Variants in KIAA0319 observed in about 807,000 individuals in gnomAD.
KIAA0319 encodes the protein dyslexia-associated protein KIAA0319.
KIAA0319 carries 83 observed loss-of-function variants against 108.4 expected under a neutral mutation model. The ratio of observed to expected loss-of-function variants is 0.77; its 90% CI spans 0.64 to 0.92. The LOEUF is 0.92. Among genes scored for constraint, KIAA0319 ranks in the 40% least tolerant of loss-of-function variants. The probability of loss-of-function intolerance (pLI) is 0.00; values close to 1 mark genes in which losing one functional copy is unlikely to be tolerated. For missense variants in KIAA0319, 1,195 were observed against 1,322.4 expected (o/e 0.90, Z 1.49); for synonymous variants, 484 against 510.4 (o/e 0.95, Z 0.70).
chr6:24,627,733 C>T (rs1003790611), intron 1 of KIAA0319, among the ~76,000 whole-genome samples: 1 of 152,220 alleles, frequency 6.6e-6, no homozygotes, highest in African/African-American at 2.4e-5. Context: ...GAGGCCAGGA[C>T]TTCCAGCAAT....
Position 24,588,744 on chromosome 6 carries a change from C to A in KIAA0319, c.843G>T (p.Glu281Asp). 1 of 1,613,848 alleles carries A rather than the reference C, an allele frequency of 6.2e-7. No homozygotes were observed. The highest frequency in any genetic ancestry group is 1.1e-5 in the South Asian group (1 of 91,056). ...PSHSLPPASLELSSVTVEKSP... is the reference protein window; with the variant it reads ...PSHSLPPASLDLSSVTVEKSP... ...TTTTCTCCACGGTGACTGAGCTGAGCTCCAGGCTTGCCGGAGGAAGACTAT... is the reference window on the plus strand; with the variant it reads ...TTTTCTCCACGGTGACTGAGCTGAGATCCAGGCTTGCCGGAGGAAGACTAT... The change falls in exon 4 of 21, where the codon GAG (glutamate) becomes GAT (aspartate). Residue 281 changes from glutamate (E) to aspartate (D), a missense_variant. Physicochemically the swap from Glu to Asp is conservative, Grantham distance 45. Coordinates refer to ENST00000378214, the MANE Select transcript of KIAA0319 (RefSeq NM_014809.4).
At chr6:24,639,453 G>T (rs1377411253) in intron 1 of KIAA0319, among the ~76,000 whole-genome samples, 2 of 152,126 alleles carry the variant, frequency 1.3e-5, no homozygotes, top group African/African-American at 4.8e-5. Flanking sequence ...TAAAATAAAG[G>T]TTCTTTTAAG....
At chr6:24,583,757 A>G in intron 4 of KIAA0319, 55 bp from the exon 5 acceptor site, 1 of 1,026,816 alleles carries the variant, frequency 9.7e-7, no homozygotes, top group Non-Finnish European at 1.5e-6. Flanking sequence ...GTGTTACATT[A>G]CTGCTCTACA....
chr6:24,586,393 G>A (rs1321276142), intron 4 of KIAA0319, among the ~76,000 whole-genome samples: 2 of 152,178 alleles, frequency 1.3e-5, no homozygotes, highest in Non-Finnish European at 2.9e-5. Flanking sequence ...CCTTTGTAAG[G>A]GGAATTTATA....
At chr6:24,605,248 C>A (rs1771231445) in intron 1 of KIAA0319, among the ~76,000 whole-genome samples, 1 of 152,204 alleles carries the variant, frequency 6.6e-6, no homozygotes, top group Admixed American at 6.5e-5. Flanking sequence ...GTTAGGAGTT[C>A]TCATTCCCAT....
At chr6:24,557,469 C>A (rs559800577) in intron 17 of KIAA0319, among the ~76,000 whole-genome samples, 1 of 152,374 alleles carries the variant, frequency 6.6e-6, no homozygotes, top group African/African-American at 2.4e-5. Context: ...CACCGCTGCA[C>A]TGCAGCCGGG....
chr6:24,588,834 C>T (rs1195405880), intron 3 of KIAA0319, 49 bp from the exon 4 acceptor site: 1 of 1,449,836 alleles, frequency 6.9e-7, no homozygotes. Flanking sequence ...AAAAACAGTC[C>T]AACTCTTCAA....
intron 3 of KIAA0319, among the ~76,000 whole-genome samples, chr6:24,590,431 TTTTCAGGCATCTGGG>T (rs1768295184): frequency 6.6e-6 from 1 of 152,202 alleles, no homozygotes; most frequent in African/African-American, 2.4e-5. Context: ...TTTAATTGAA[TTTTCAGGCATCTGGG>T]TTTGTGAAGT....
intron 1 of KIAA0319, among the ~76,000 whole-genome samples, chr6:24,625,174 T>C (rs1189011367): frequency 6.6e-6 from 1 of 152,188 alleles, no homozygotes; most frequent in African/African-American, 2.4e-5. Context: ...ATAAAACTGG[T>C]GTTAGGAAAA....
intron 16 of KIAA0319, among the ~76,000 whole-genome samples, chr6:24,560,703 C>T (rs1474901025): frequency 1.3e-5 from 2 of 152,208 alleles, no homozygotes; most frequent in South Asian, 2.1e-4. Flanking sequence ...GTCCCTGCCT[C>T]GGTCGTTACA....
intron 1 of KIAA0319, among the ~76,000 whole-genome samples, chr6:24,626,836 T>C (rs1774786549): frequency 6.6e-6 from 1 of 152,184 alleles, no homozygotes; most frequent in South Asian, 2.1e-4. Context: ...CAATTAGTTT[T>C]GGTAAACTGT....
intron 1 of KIAA0319, among the ~76,000 whole-genome samples, chr6:24,613,712 G>C (rs1772730543): frequency 6.6e-6 from 1 of 151,078 alleles, no homozygotes; most frequent in Non-Finnish European, 1.5e-5. Flanking sequence ...GAAAGACCTA[G>C]AAAACAAACC....
chr6:24,606,195 C>A (rs1771377219), intron 1 of KIAA0319, among the ~76,000 whole-genome samples: 1 of 152,144 alleles, frequency 6.6e-6, no homozygotes, highest in Non-Finnish European at 1.5e-5. Flanking sequence ...CCTTGGCCTC[C>A]CAAAGTGTTG....
Position 24,601,166 on chromosome 6 carries a change from G to C in KIAA0319, c.-63C>G. On this transcript the variant is annotated 5_prime_UTR_variant, in exon 2 of 21. Coordinates refer to ENST00000378214, the MANE Select transcript of KIAA0319 (RefSeq NM_014809.4). ...CGGCCCTGAAGAGAGTTTGGTGCAA[G>C]CTTCCTTTGATGTTTTTTAGGAGCC... 11 of 1,592,122 alleles carry C rather than the reference G, an allele frequency of 6.9e-6. No individual in the cohort carries two copies. Among genetic ancestry groups the C allele is most frequent in the Non-Finnish European group, 9.4e-6 (11 of 1,169,454 alleles).
At chr6:24,593,981 A>T (rs1462643715) in intron 3 of KIAA0319, among the ~76,000 whole-genome samples, 1 of 150,998 alleles carries the variant, frequency 6.6e-6, no homozygotes, top group Non-Finnish European at 1.5e-5. Context: ...CAGGTGGATC[A>T]TGAGGTCAGG....
At chr6:24,553,453 CCT>C (rs539523509) in intron 19 of KIAA0319, among the ~76,000 whole-genome samples, 4 of 150,396 alleles carry the variant, frequency 2.7e-5, no homozygotes, top group Non-Finnish European at 3.0e-5. Flanking sequence ...ACAGAATCTC[CCT>C]CTCTCTCTCT....
At position 24,597,256 on chromosome 6, in the gene KIAA0319, G is replaced by A. The variant is rs115504383; in HGVS notation, c.56-638C>T. Among the ~76,000 whole-genome samples the A allele has an allele frequency of 4.5e-3, 678 of 152,192 alleles. 5 individuals are homozygous for A. The highest frequency in any genetic ancestry group is 0.015 in the African/African-American group (627 of 41,542). ...AATAGCATCATGTCTCTGTTTTATCGTTAATTGATTTTAAGTCTCACAGGC... is the reference window on the plus strand; with the variant it reads ...AATAGCATCATGTCTCTGTTTTATCATTAATTGATTTTAAGTCTCACAGGC... On this transcript the variant is annotated intron_variant, in intron 2 of 20. Coordinates refer to ENST00000378214, the MANE Select transcript of KIAA0319 (RefSeq NM_014809.4).
intron 6 of KIAA0319, 105 bp from the exon 7 acceptor site, chr6:24,581,118 T>C (rs1766471982): frequency 2.8e-6 from 2 of 720,422 alleles, no homozygotes; most frequent in Non-Finnish European, 2.4e-6. Flanking sequence ...AAAGTCAGCA[T>C]AGAGAAGGGG....
Position 24,600,455 on chromosome 6 carries a change from T to C in KIAA0319, c.55+594A>G, listed in dbSNP as rs913481147. ...CTCCAGGTGCTGCTGAAAACCCAGA[T>C]CCCAGAGCCACATCCCTAGGAGGTC... On this transcript the variant is annotated intron_variant, in intron 2 of 20. Transcript: ENST00000378214. Among the ~76,000 whole-genome samples the C allele has an allele frequency of 8.5e-5, 13 of 152,062 alleles. 1 individual carries two copies. Among genetic ancestry groups the C allele is most frequent in the Admixed American group, 2.6e-4 (4 of 15,270 alleles).
Sources: gnomAD v4.1 joint callset for allele counts (sites outside exome capture counted in the v4.1 genomes callset) on GRCh38, gnomAD v4.1.1 for gene constraint, MANE v1.5 for transcripts, NCBI Gene and HGNC (gene_info 2026-07-23, HGNC 2026-07-21) for gene names.